GARRE1: variants seen among roughly 807,000 people sequenced by gnomAD.
GARRE1 encodes granule associated Rac and RHOG effector protein 1.
GARRE1 carries 49 observed loss-of-function variants against 103.2 expected under a neutral mutation model. That is an observed-to-expected ratio of 0.47 (90% confidence interval 0.38 to 0.60). The LOEUF is 0.60. GARRE1 is among the 20% of genes least tolerant of loss of function. GARRE1 has a pLI of 0.00. For missense variants in GARRE1, 1,199 were observed against 1,370.5 expected (o/e 0.87, Z 1.98); for synonymous variants, 505 against 532.8 (o/e 0.95, Z 0.72).
At chr19:34,312,510 A>T (rs1348541732) in intron 2 of GARRE1, among the ~76,000 whole-genome samples, 4 of 151,958 alleles carry the variant, frequency 2.6e-5, no homozygotes, top group African/African-American at 7.3e-5. Flanking sequence ...AAATTTGACT[A>T]CTCTAGGAAC....
chr19:34,292,741 A>C (rs1017268273), intron 1 of GARRE1, among the ~76,000 whole-genome samples: 1 of 96,072 alleles, frequency 1.0e-5, no homozygotes, highest in African/African-American at 3.8e-5. Context: ...CACCCAGCTA[A>C]ATTTTTTTTT....
At chr19:34,328,400 G>A (rs964464850) in intron 6 of GARRE1, among the ~76,000 whole-genome samples, 7 of 151,542 alleles carry the variant, frequency 4.6e-5, no homozygotes, top group Non-Finnish European at 8.8e-5. Context: ...ACGGTGGCAC[G>A]CACCTGTAGT....
At chr19:34,278,853 G>A (rs765208440) in intron 1 of GARRE1, among the ~76,000 whole-genome samples, 1 of 151,910 alleles carries the variant, frequency 6.6e-6, no homozygotes, top group Non-Finnish European at 1.5e-5. Flanking sequence ...TAAATTTTTT[G>A]TAGAGACAGG....
chr19:34,268,622 A>G (rs904204636), intron 1 of GARRE1, among the ~76,000 whole-genome samples: 2 of 152,022 alleles, frequency 1.3e-5, no homozygotes, highest in South Asian at 2.1e-4. Context: ...AGGACCAAGT[A>G]ATACTGGATT....
At chr19:34,256,421 G>A (rs747894608) in intron 1 of GARRE1, among the ~76,000 whole-genome samples, 2 of 151,744 alleles carry the variant, frequency 1.3e-5, no homozygotes, top group African/African-American at 2.4e-5. Flanking sequence ...TTGGGAGGCT[G>A]AGGCAGGAGA....
intron 1 of GARRE1, among the ~76,000 whole-genome samples, chr19:34,257,929 G>A (rs1364142601): frequency 8.2e-6 from 1 of 122,604 alleles, no homozygotes; most frequent in East Asian, 2.4e-4. Flanking sequence ...TTGCTCTGTT[G>A]CCCAGACTGG....
chr19:34,346,680 G>A (rs976400229), intron 10 of GARRE1, among the ~76,000 whole-genome samples: 4 of 152,114 alleles, frequency 2.6e-5, no homozygotes, highest in Non-Finnish European at 4.4e-5. Flanking sequence ...GCAATAGCGC[G>A]ATCTTGGCTC....
At chr19:34,258,400 C>T (rs1303347762) in intron 1 of GARRE1, among the ~76,000 whole-genome samples, 2 of 152,154 alleles carry the variant, frequency 1.3e-5, no homozygotes, top group African/African-American at 4.8e-5. Flanking sequence ...TAGTGACCCC[C>T]GACTCAGAGT....
At chr19:34,257,376 C>T (rs919089861) in intron 1 of GARRE1, among the ~76,000 whole-genome samples, 3 of 151,878 alleles carry the variant, frequency 2.0e-5, no homozygotes, top group Non-Finnish European at 4.4e-5. Context: ...CTCCCTCTGT[C>T]CCCGAGGCTG....
In GARRE1 at chr19:34,307,812, ATATTTT is replaced by A. The variant is rs1313122218; in HGVS notation, c.495+6846_495+6851del. ...TACTATAAAAAAAAAATATATATATATATTTTTTTTTTTTTTTAGAGATTAGGCCTT... is the reference window on the plus strand; with the variant it reads ...TACTATAAAAAAAAAATATATATATATTTTTTTTTTTAGAGATTAGGCCTT... On this transcript the variant is annotated intron_variant, in intron 2 of 13. Transcript: ENST00000299505. Among the ~76,000 whole-genome samples, 3 of 137,174 alleles carry A rather than the reference ATATTTT, an allele frequency of 2.2e-5. No homozygotes were observed. In the East Asian group the frequency reaches 6.3e-4, roughly 29 times the overall value. The allele number at this position is 137,174 out of a possible 152,430, so 90.0% of individuals were successfully genotyped here. A position where few individuals can be genotyped will look rare whatever the true frequency, so the allele number is the denominator to read the frequency against.
At chr19:34,260,769 TGAA>T (rs775671454) in intron 1 of GARRE1, among the ~76,000 whole-genome samples, 2 of 152,256 alleles carry the variant, frequency 1.3e-5, no homozygotes, top group Non-Finnish European at 2.9e-5. Context: ...AAATGTAGTT[TGAA>T]GAATCTCAGG....
chr19:34,343,975 T>G (rs1029854515), intron 10 of GARRE1, among the ~76,000 whole-genome samples: 1 of 152,224 alleles, frequency 6.6e-6, no homozygotes, highest in Non-Finnish European at 1.5e-5. Context: ...GCGACTGTTA[T>G]CACCTGTAGC....
At chr19:34,259,961 T>C (rs1178757171) in intron 1 of GARRE1, among the ~76,000 whole-genome samples, 2 of 152,236 alleles carry the variant, frequency 1.3e-5, no homozygotes, top group Non-Finnish European at 2.9e-5. Flanking sequence ...AAGAAGGACG[T>C]GTTTGCTTCC....
Position 34,342,026 on chromosome 19 carries a change from C to T in GARRE1, c.2092C>T (p.Pro698Ser), listed in dbSNP as rs576369668. The T allele has an allele frequency of 6.2e-7, 1 of 1,614,100 alleles. No homozygotes were observed. The highest frequency in any genetic ancestry group is 1.7e-5 in the Admixed American group (1 of 60,026). ...ACAGCAGCCGTCACTGCCTGTGCCC[C>T]CTCCACCACGGGCACCCCAGGCTGG... ...QPQQPSLPVPPPPRAPQAGAH... is the reference protein window; with the variant it reads ...QPQQPSLPVPSPPRAPQAGAH... The change falls in exon 10 of 14, where the codon CCT (proline) becomes TCT (serine). Residue 698 changes from proline to serine, a missense_variant. Transcript: ENST00000299505.
chr19:34,285,958 C>G (rs2073883573), intron 1 of GARRE1, among the ~76,000 whole-genome samples: 1 of 152,154 alleles, frequency 6.6e-6, no homozygotes, highest in African/African-American at 2.4e-5. Flanking sequence ...GACTGTGATA[C>G]TTGAGCAGTC....
At chr19:34,316,524 C>T (rs998238128) in intron 2 of GARRE1, among the ~76,000 whole-genome samples, 3 of 152,120 alleles carry the variant, frequency 2.0e-5, no homozygotes, top group African/African-American at 7.2e-5. Flanking sequence ...TGAGCTAAGA[C>T]CTGAGATCCT....
At position 34,327,772 on chromosome 19, in the gene GARRE1, C is replaced by T; in HGVS notation, c.848C>T (p.Ala283Val). 1 of 1,608,014 alleles carries T rather than the reference C, an allele frequency of 6.2e-7. No individual in the cohort carries two copies. Among genetic ancestry groups the T allele is most frequent in the Non-Finnish European group, 8.5e-7 (1 of 1,174,926 alleles). ...LNIKIDSALQ[A>V]YKIALESLGH... ...TTGTTAAAAATAATTTATTTCCAGG[C>T]ATATAAGATAGCTCTGGAAAGCTTA... Residue 283 changes from alanine (A) to valine (V), a missense_variant and splice_region_variant, in exon 5 of 14, where the codon GCA becomes GTA. By Grantham distance (64) the Ala-to-Val change is moderately conservative. Transcript: ENST00000299505.
chr19:34,316,140 T>C (rs1334728566), intron 2 of GARRE1, among the ~76,000 whole-genome samples: 15 of 152,266 alleles, frequency 9.9e-5, no homozygotes, highest in Non-Finnish European at 2.9e-5. Flanking sequence ...TTGAGCAAGT[T>C]TCTTTATCTC....
At chr19:34,331,751 T>C (rs1044901223) in intron 7 of GARRE1, among the ~76,000 whole-genome samples, 1 of 152,130 alleles carries the variant, frequency 6.6e-6, no homozygotes, top group African/African-American at 2.4e-5. Context: ...CCCAACACTT[T>C]GGGAGGCCGA....
Sources: gnomAD v4.1 joint callset for allele counts (sites outside exome capture counted in the v4.1 genomes callset) on GRCh38, gnomAD v4.1.1 for gene constraint, MANE v1.5 for transcripts, NCBI Gene and HGNC (gene_info 2026-07-23, HGNC 2026-07-21) for gene names.